Variants in AGBL4 observed in about 807,000 individuals in gnomAD.
AGBL4 encodes AGBL carboxypeptidase 4.
In AGBL4, 58 loss-of-function variants were observed where a neutral mutation model predicts 66.4. The observed-to-expected ratio is 0.87, with a 90% CI of 0.71 to 1.09. AGBL4 has a LOEUF of 1.09. Among genes scored for constraint, AGBL4 ranks in the 50% least tolerant of loss-of-function variants. AGBL4 has a pLI of 0.00. For synonymous variants in AGBL4, 234 were observed against 222.9 expected (o/e 1.05, Z -0.44); for missense variants, 579 against 631.0 (o/e 0.92, Z 0.88).
intron 6 of AGBL4, among the ~76,000 whole-genome samples, chr1:48,812,272 G>A (rs748838748): frequency 8.5e-5 from 13 of 152,158 alleles, no homozygotes; most frequent in Admixed American, 6.5e-4. Flanking sequence ...AAGGGAATTC[G>A]TGCTGTGTGA....
chr1:48,867,370 T>C (rs1648209115), intron 5 of AGBL4, 140 bp from the exon 6 acceptor site: 1 of 862,456 alleles, frequency 1.2e-6, no homozygotes, highest in Non-Finnish European at 1.9e-6. Flanking sequence ...TCACTTCCAA[T>C]TCTGCAGAGA....
chr1:49,673,510 C>A (rs1646520407), intron 3 of AGBL4, among the ~76,000 whole-genome samples: 1 of 152,164 alleles, frequency 6.6e-6, no homozygotes, highest in Non-Finnish European at 1.5e-5. Context: ...ATACCCCATT[C>A]TTCGTGATGT....
At chr1:49,955,096 A>G (rs1656484666) in intron 1 of AGBL4, among the ~76,000 whole-genome samples, 1 of 151,872 alleles carries the variant, frequency 6.6e-6, no homozygotes, top group Non-Finnish European at 1.5e-5. Context: ...ATAAGACCCA[A>G]CTGCAGTTGT....
At chr1:49,512,151 T>C (rs929780323) in intron 3 of AGBL4, among the ~76,000 whole-genome samples, 24 of 151,996 alleles carry the variant, frequency 1.6e-4, no homozygotes, top group Admixed American at 7.2e-4. Context: ...TATTTCTGCA[T>C]TTCAGCCTTG....
chr1:48,543,669 T>C (rs1440970361), intron 11 of AGBL4, among the ~76,000 whole-genome samples: 1 of 152,110 alleles, frequency 6.6e-6, no homozygotes. Context: ...TCCAGGACCA[T>C]GGAGATGGAC....
At chr1:49,767,676 G>A (rs1425848283) in intron 2 of AGBL4, among the ~76,000 whole-genome samples, 2 of 151,996 alleles carry the variant, frequency 1.3e-5, no homozygotes, top group East Asian at 1.9e-4. Context: ...CTGTTTCTTT[G>A]AAATGATAAA....
chr1:49,808,266 A>C (rs1645018699), intron 2 of AGBL4, among the ~76,000 whole-genome samples: 1 of 152,186 alleles, frequency 6.6e-6, no homozygotes, highest in African/African-American at 2.4e-5. Flanking sequence ...TATATTACTC[A>C]TCAGCCACAG....
At chr1:49,511,068 C>G (rs1649194243) in intron 3 of AGBL4, among the ~76,000 whole-genome samples, 1 of 151,870 alleles carries the variant, frequency 6.6e-6, no homozygotes, top group South Asian at 2.1e-4. Flanking sequence ...GGATCTAGAA[C>G]TAGAAATACC....
intron 4 of AGBL4, among the ~76,000 whole-genome samples, chr1:49,219,361 C>T (rs1393588426): frequency 1.3e-5 from 2 of 152,064 alleles, no homozygotes; most frequent in African/African-American, 2.4e-5. Flanking sequence ...TTAGGAGATG[C>T]CTCATTTTTC....
At chr1:48,732,296 A>C (rs1200904578) in intron 6 of AGBL4, among the ~76,000 whole-genome samples, 1 of 152,210 alleles carries the variant, frequency 6.6e-6, no homozygotes, top group East Asian at 1.9e-4. Context: ...AGAGATAACC[A>C]GTGGGCACTT....
intron 3 of AGBL4, among the ~76,000 whole-genome samples, chr1:49,266,551 AT>A (rs1398282074): frequency 6.6e-6 from 1 of 151,990 alleles, no homozygotes; most frequent in Non-Finnish European, 1.5e-5. Context: ...ATGTGCTGAG[AT>A]TATATAAATT....
intron 2 of AGBL4, among the ~76,000 whole-genome samples, chr1:49,844,324 T>C (rs557951568): frequency 6.6e-6 from 1 of 152,276 alleles, no homozygotes; most frequent in Admixed American, 6.5e-5. Flanking sequence ...TCCTTCCAAG[T>C]CCAGTGCATC....
chr1:49,699,115 T>C (rs1250624453), intron 2 of AGBL4, among the ~76,000 whole-genome samples: 2 of 152,054 alleles, frequency 1.3e-5, no homozygotes, highest in South Asian at 2.1e-4. Context: ...CTACAACCAA[T>C]TCATTTATTA....
intron 6 of AGBL4, 96 bp from the exon 7 acceptor site, chr1:48,663,337 G>T: frequency 3.5e-6 from 4 of 1,146,052 alleles, no homozygotes; most frequent in Non-Finnish European, 1.3e-6. Flanking sequence ...GAATGGGCTG[G>T]ATGTTTTACA....
At chr1:49,550,105 T>C (rs142917588) in intron 3 of AGBL4, among the ~76,000 whole-genome samples, 1 of 152,232 alleles carries the variant, frequency 6.6e-6, no homozygotes, top group Non-Finnish European at 1.5e-5. Flanking sequence ...TAGCTACCCC[T>C]GCTTACATTT....
intron 6 of AGBL4, among the ~76,000 whole-genome samples, chr1:48,847,870 T>C (rs1646954767): frequency 1.3e-5 from 2 of 152,154 alleles, no homozygotes; most frequent in Admixed American, 6.5e-5. Flanking sequence ...TTATAGAATA[T>C]AGTTCTATGG....
Position 49,009,433 on chromosome 1 carries a change from G to A in AGBL4, c.594+36151C>T, listed in dbSNP as rs1322258732. On this transcript the variant is annotated intron_variant, in intron 5 of 13. Transcript: ENST00000371839. ...TCCAGGACCAGATGGATTCACAGCCGAATTCTACCAGAGGTACAAGGAGGA... is the reference window on the plus strand; with the variant it reads ...TCCAGGACCAGATGGATTCACAGCCAAATTCTACCAGAGGTACAAGGAGGA... Among the ~76,000 whole-genome samples the A allele has an allele frequency of 4.7e-4, 71 of 149,570 alleles. 1 individual carries two copies. The highest frequency in any genetic ancestry group is 7.7e-4 in the Non-Finnish European group (51 of 66,468).
chr1:49,971,987 G>A (rs772024700), intron 1 of AGBL4, among the ~76,000 whole-genome samples: 6 of 133,658 alleles, frequency 4.5e-5, no homozygotes, highest in Admixed American at 1.7e-4. Context: ...GCACGGTCTC[G>A]GCTCACTGCA....
At position 49,846,161 on chromosome 1, in the gene AGBL4, T is replaced by C. The variant is rs530861347; in HGVS notation, c.157+5235A>G. ...TCATACCAAGGAAAAGCCCTATGGG[T>C]TCAATAAGTGTGGGAAATCCTTCAA... On this transcript the variant is annotated intron_variant, in intron 2 of 13. Transcript: ENST00000371839. 2.1e-6 allele frequency: 3 copies of C among 1,456,138 alleles called. No individual in the cohort carries two copies. In the East Asian group the frequency reaches 6.8e-5, roughly 33 times the overall value. The allele number at this position is 1,456,138 out of a possible 1,614,324, so 90.2% of individuals were successfully genotyped here.
Sources: gnomAD v4.1 joint callset for allele counts (sites outside exome capture counted in the v4.1 genomes callset) on GRCh38, gnomAD v4.1.1 for gene constraint, MANE v1.5 for transcripts, NCBI Gene and HGNC (gene_info 2026-07-23, HGNC 2026-07-21) for gene names.